The following OGN variants were observed in gnomAD, a reference collection of about 807,000 sequenced individuals.
The protein encoded by OGN is mimecan.
OGN carries 19 observed loss-of-function variants against 30.8 expected under a neutral mutation model. That is an observed-to-expected ratio of 0.62 (90% CI 0.43 to 0.90). OGN has a LOEUF of 0.90. OGN is among the 40% of genes least tolerant of loss of function. The pLI is 0.00. For synonymous variants in OGN, 126 were observed against 128.3 expected (o/e 0.98, Z 0.12); for missense variants, 283 against 349.7 (o/e 0.81, Z 1.52).
intron 6 of OGN, among the ~76,000 whole-genome samples, 169 bp downstream of exon 6, chr9:92,386,032 A>G (rs1842406153): frequency 6.6e-6 from 1 of 152,242 alleles, no homozygotes; most frequent in African/African-American, 2.4e-5. Context: ...TTCTGGGAAG[A>G]AAGTTCATGA....
intron 4 of OGN, among the ~76,000 whole-genome samples, chr9:92,391,602 CA>C (rs376166761): frequency 1.7e-3 from 258 of 151,678 alleles, no homozygotes; most frequent in African/African-American, 5.9e-3. Flanking sequence ...CTGTCTCAAA[CA>C]AAAAAACCCC....
chr9:92,402,726 A>G (rs1049169504), intron 2 of OGN, among the ~76,000 whole-genome samples: 1 of 152,220 alleles, frequency 6.6e-6, no homozygotes. Context: ...CTAGGTTTTC[A>G]GTTTTTGGTA....
intron 4 of OGN, 74 bp downstream of exon 4, chr9:92,393,012 T>C (rs1249499195): frequency 2.5e-6 from 3 of 1,191,828 alleles, no homozygotes; most frequent in Non-Finnish European, 3.6e-6. Context: ...GCAGCAACTA[T>C]ATAGAAACTT....
intron 3 of OGN, among the ~76,000 whole-genome samples, chr9:92,397,319 GT>G (rs1439452074): frequency 6.6e-6 from 1 of 151,990 alleles, no homozygotes; most frequent in Non-Finnish European, 1.5e-5. Context: ...AGCACTGGGG[GT>G]TTTTTTGGTT....
chr9:92,393,039 A>T, intron 4 of OGN, 47 bp downstream of exon 4: 1 of 1,513,838 alleles, frequency 6.6e-7, no homozygotes, highest in Non-Finnish European at 9.1e-7. Flanking sequence ...ATATGAGTTA[A>T]ATACTAATAC....
rs764361445 is a variant in OGN at position 92,403,386 on chromosome 9, G to A, written c.22C>T (p.Leu8Phe). The change falls in exon 2 of 7, where the codon CTT becomes TTT. Residue 8 changes from leucine (L) to phenylalanine (F), a missense_variant. By Grantham distance (22) the Leu-to-Phe change is conservative. Coordinates refer to ENST00000375561, the MANE Select transcript of OGN (RefSeq NM_014057.5). MKTLQST[L>F]LLLLLVPLIK... is the part of the protein sequence containing the mutation. ...AGAGGCACAAGCAGTAACAGGAGAA[G>A]TGTAGACTGCAGAGTCTTCATTTTA... 1.9e-6 allele frequency: 3 copies of A among 1,612,324 alleles called. No individual in the cohort carries two copies. The highest frequency in any genetic ancestry group is 2.2e-5 in the East Asian group (1 of 44,838).
intron 2 of OGN, among the ~76,000 whole-genome samples, chr9:92,402,984 C>G (rs1177062654): frequency 3.3e-5 from 5 of 152,052 alleles, no homozygotes; most frequent in Non-Finnish European, 5.9e-5. Flanking sequence ...ATCTTAAAGT[C>G]TAGTTTTCTT....
upstream of OGN, chr9:92,404,607 G>A: frequency 7.8e-7 from 1 of 1,289,002 alleles, no homozygotes; most frequent in African/African-American, 1.5e-5. Context: ...ATTTCAAACT[G>A]CTGAGTAAAA....
In OGN at chr9:92,397,527, A is replaced by G. The variant is rs149511673; in HGVS notation, c.268+3565T>C. Among the ~76,000 whole-genome samples, 23 of 152,160 alleles carry G rather than the reference A, an allele frequency of 1.5e-4. No individual in the cohort carries two copies. In the East Asian group the frequency reaches 4.5e-3, roughly 29 times the overall value. ...GTATTTTTAGTAGAGACGGGGTTTC[A>G]CCATGTTGGCCAGGCTTGTCTCAAA... On this transcript the variant is annotated intron_variant, in intron 3 of 6. Transcript: ENST00000375561.
chr9:92,399,978 T>C (rs2130923487), intron 3 of OGN, among the ~76,000 whole-genome samples: 1 of 152,308 alleles, frequency 6.6e-6, no homozygotes, highest in African/African-American at 2.4e-5. Flanking sequence ...TCCCTTGTTA[T>C]TTGTTACATG....
intron 1 of OGN, chr9:92,403,716 G>A: frequency 1.2e-6 from 1 of 834,932 alleles, no homozygotes; most frequent in Non-Finnish European, 1.5e-6. Context: ...TAATAATTAA[G>A]TGCCTTCAGC....
intron 3 of OGN, 121 bp from the exon 4 acceptor site, chr9:92,393,365 A>T (rs1842766438): frequency 1.4e-6 from 1 of 715,856 alleles, no homozygotes; most frequent in South Asian, 2.8e-5. Flanking sequence ...TTACAGAATC[A>T]TAAGAAAGAT....
chr9:92,390,885 C>T lies in OGN; in HGVS notation c.428-829G>A, dbSNP rs949418240. Among the ~76,000 whole-genome samples the T allele has an allele frequency of 3.4e-4, 52 of 152,162 alleles. 2 individuals are homozygous for T. The highest frequency in any genetic ancestry group is 1.2e-3 in the African/African-American group (51 of 41,432). ...TCATGCCTGAACAAACCTTATCTAA[C>T]ATATTTTCCCTGTAGGCATATCACA... On this transcript the variant is annotated intron_variant, in intron 4 of 6. Transcript: ENST00000375561.
intron 5 of OGN, among the ~76,000 whole-genome samples, chr9:92,386,763 T>C (rs1423874591): frequency 6.6e-6 from 1 of 152,128 alleles, no homozygotes; most frequent in Non-Finnish European, 1.5e-5. Flanking sequence ...TGTATGTTTT[T>C]AGTAGAGACG....
In OGN at chr9:92,385,409, AT is replaced by A; in HGVS notation, c.*210del. ...TAGGATTTTGTAATGCTGTTTAAAT[AT>A]TTTCATATTACTTTGTTTCGAACGT... is the stretch of plus-strand genomic sequence containing the variant. On this transcript the variant is annotated 3_prime_UTR_variant, in exon 7 of 7. Transcript: ENST00000375561. 2 of 481,682 alleles carry A rather than the reference AT, an allele frequency of 4.2e-6. No homozygotes were observed. Among genetic ancestry groups the A allele is most frequent in the East Asian group, 6.9e-5 (2 of 28,864 alleles). 29.8% of individuals were successfully genotyped at this position (481,682 alleles called of 1,614,324 possible).
At chr9:92,403,890 C>T (rs1046127311) in intron 1 of OGN, 24 of 182,324 alleles carry the variant, frequency 1.3e-4, no homozygotes, top group African/African-American at 4.8e-4. Flanking sequence ...AAACAAGTTC[C>T]AAGAAAAGTT....
At chr9:92,400,119 C>G (rs535101307) in intron 3 of OGN, among the ~76,000 whole-genome samples, 6 of 152,156 alleles carry the variant, frequency 3.9e-5, no homozygotes, top group Middle Eastern at 3.4e-3. Context: ...GTCATTCCAT[C>G]CAAGAACAAG....
At position 92,393,241 on chromosome 9, in the gene OGN, A is replaced by T; in HGVS notation, c.272T>A (p.Met91Lys). Residue 91 changes from methionine to lysine, a missense_variant, in exon 4 of 7, where the codon ATG becomes AAG. Transcript: ENST00000375561. The part of the protein sequence containing the change: ...PLPPKKENDE[M>K]PTCLLCVCLS... Reference sequence around the variant, plus strand: ...ACAAACACACAGCAGACACGTGGGCATTTCTAAATTGGGAATAAAATCATA... The same window carrying T: ...ACAAACACACAGCAGACACGTGGGCTTTTCTAAATTGGGAATAAAATCATA... 1 of 1,561,580 alleles carries T rather than the reference A, an allele frequency of 6.4e-7. No individual in the cohort carries two copies. Among genetic ancestry groups the T allele is most frequent in the Non-Finnish European group, 8.7e-7 (1 of 1,153,970 alleles).
chr9:92,387,175 C>T (rs1842465803), intron 5 of OGN, among the ~76,000 whole-genome samples: 1 of 151,490 alleles, frequency 6.6e-6, no homozygotes, highest in Admixed American at 6.6e-5. Context: ...GAGTTCGAGA[C>T]CAGCCTGGCC....
Sources: allele counts gnomAD v4.1 joint callset (sites outside exome capture counted in the v4.1 genomes callset), GRCh38; gene constraint gnomAD v4.1.1; transcripts MANE v1.5; gene names NCBI Gene and HGNC (gene_info 2026-07-23, HGNC 2026-07-21).